PDE2A: variants seen among roughly 807,000 people sequenced by gnomAD.
The protein encoded by PDE2A is cGMP-dependent 3',5'-cyclic phosphodiesterase.
Under a neutral mutation model 133.6 loss-of-function variants are expected in PDE2A, and 53 were observed. The ratio of observed to expected loss-of-function variants is 0.40; its 90% confidence interval spans 0.32 to 0.50. The LOEUF is 0.50. PDE2A is among the 20% of genes least tolerant of loss of function. The probability of loss-of-function intolerance (pLI) is 0.73; values close to 1 mark genes in which losing one functional copy is unlikely to be tolerated. For missense variants in PDE2A, 796 were observed against 1,232.4 expected, an observed-to-expected ratio of 0.65 and a Z score of 5.30; for synonymous variants, 491 against 490.2, an observed-to-expected ratio of 1.00 and a Z score of -0.02.
In PDE2A at chr11:72,674,236, G is replaced by A. The variant is rs1483937657; in HGVS notation, c.-29C>T. On this transcript the variant is annotated 5_prime_UTR_variant, in exon 1 of 31. Coordinates refer to ENST00000334456, the MANE Select transcript of PDE2A (RefSeq NM_002599.5). ...TCCTCATCGTCCGCCTCCCCAGCCAGACTAAGGTGGCACCTCGCCCTGTCC... is the reference window on the plus strand; with the variant it reads ...TCCTCATCGTCCGCCTCCCCAGCCAAACTAAGGTGGCACCTCGCCCTGTCC... 1.9e-6 allele frequency: 3 copies of A among 1,596,798 alleles called. No individual in the cohort carries two copies. The highest frequency in any genetic ancestry group is 2.3e-5 in the East Asian group (1 of 44,306).
chr11:72,645,553 G>T (rs746181040), intron 1 of PDE2A, among the ~76,000 whole-genome samples: 8 of 152,140 alleles, frequency 5.3e-5, no homozygotes, highest in Non-Finnish European at 1.2e-4. Context: ...CCTGTTCTGG[G>T]TTCTCACCCT....
chr11:72,640,697 G>A (rs545731724), intron 2 of PDE2A, among the ~76,000 whole-genome samples: 1 of 152,264 alleles, frequency 6.6e-6, no homozygotes, highest in African/African-American at 2.4e-5. Flanking sequence ...GAAACCATCA[G>A]GCCCCTGCAG....
At chr11:72,649,799 T>C (rs998592908) in intron 1 of PDE2A, among the ~76,000 whole-genome samples, 1 of 152,136 alleles carries the variant, frequency 6.6e-6, no homozygotes, top group Non-Finnish European at 1.5e-5. Flanking sequence ...TGTCAACCCC[T>C]GATCATCCTG....
chr11:72,613,886 G>C (rs888477883), intron 2 of PDE2A, among the ~76,000 whole-genome samples: 1 of 152,142 alleles, frequency 6.6e-6, no homozygotes, highest in African/African-American at 2.4e-5. Context: ...CAGAGGACAG[G>C]GCCCTTCAAG....
chr11:72,642,234 C>A lies in PDE2A; in HGVS notation c.144+20G>T. ...CCGGACACCCCGTTCTCCTGGTGCC[C>A]AGCGCGGGGGCCCCCCTACCTGCAG... On this transcript the variant is annotated intron_variant, in intron 2 of 30. Coordinates refer to ENST00000334456, the MANE Select transcript of PDE2A (RefSeq NM_002599.5). The A allele has an allele frequency of 6.7e-7, 1 of 1,488,600 alleles. No homozygotes were observed. The allele number at this position is 1,488,600 out of a possible 1,614,324, so 92.2% of individuals were successfully genotyped here. A position where few individuals can be genotyped will look rare whatever the true frequency, so the allele number is the denominator to read the frequency against.
At chr11:72,671,732 G>A (rs1246251046) in intron 1 of PDE2A, among the ~76,000 whole-genome samples, 1 of 152,156 alleles carries the variant, frequency 6.6e-6, no homozygotes, top group Non-Finnish European at 1.5e-5. Context: ...TGAGGGTCAG[G>A]TCTGATGAAG....
At chr11:72,614,144 G>T (rs932264710) in intron 2 of PDE2A, among the ~76,000 whole-genome samples, 1 of 152,182 alleles carries the variant, frequency 6.6e-6, no homozygotes, top group Non-Finnish European at 1.5e-5. Flanking sequence ...AGAACAAGGC[G>T]GTTCCTCCTC....
In PDE2A at chr11:72,607,907, G is replaced by A. The variant is rs76289804; in HGVS notation, c.234+755C>T. Among the ~76,000 whole-genome samples the A allele has an allele frequency of 7.4e-3, 1,119 of 152,076 alleles. 20 individuals are homozygous for A. The highest frequency in any genetic ancestry group is 0.025 in the African/African-American group (1,046 of 41,456). ...AGACTCCCTTCTCCAGGCTTCAAACGTCCCCTGCTTCCCTCTTTCTGGTGC... is the reference window on the plus strand; with the variant it reads ...AGACTCCCTTCTCCAGGCTTCAAACATCCCCTGCTTCCCTCTTTCTGGTGC... On this transcript the variant is annotated intron_variant, in intron 3 of 30. Transcript: ENST00000334456.
In PDE2A at chr11:72,608,746, G is replaced by A; in HGVS notation, c.150C>T (p.Ala50=). The change falls in exon 3 of 31, where the codon GCC becomes GCT. Residue 50 remains alanine (A), a synonymous_variant. Transcript: ENST00000334456. ...PQPCADSLQD[A]LLSLGSVIDI... is the part of the protein sequence containing the mutation. ...CGATGACAGAGCCCAGACTCAGCAAGGCGTCCTGGAAGAGAGGAGAGGGCA... is the reference window on the plus strand; with the variant it reads ...CGATGACAGAGCCCAGACTCAGCAAAGCGTCCTGGAAGAGAGGAGAGGGCA... The A allele has an allele frequency of 6.4e-7, 1 of 1,553,086 alleles. No individual in the cohort carries two copies. Among genetic ancestry groups the A allele is most frequent in the Non-Finnish European group, 8.8e-7 (1 of 1,142,268 alleles).
In PDE2A at chr11:72,590,388, C is replaced by T. The variant is rs758250416; in HGVS notation, c.703+39G>A. On this transcript the variant is annotated intron_variant, in intron 8 of 30. Coordinates refer to ENST00000334456, the MANE Select transcript of PDE2A (RefSeq NM_002599.5). The surrounding 1 kb of genome is among the most constrained non-coding windows in gnomAD (Gnocchi z 4.8). The stretch of plus-strand genomic sequence containing the variant: ...GCCCACCTCCCCTCCAAGTTCTGCC[C>T]GGCCCCGCCCTCGTGACCTGTCCAG... The T allele has an allele frequency of 1.3e-6, 2 of 1,577,328 alleles. No individual in the cohort carries two copies. The highest frequency in any genetic ancestry group is 1.7e-6 in the Non-Finnish European group (2 of 1,162,392).
intron 2 of PDE2A, among the ~76,000 whole-genome samples, chr11:72,627,463 G>A (rs1256996492): frequency 6.6e-6 from 1 of 152,218 alleles, no homozygotes; most frequent in Non-Finnish European, 1.5e-5. Flanking sequence ...GAGAGTAGGT[G>A]GAGAAAGAAA....
intron 1 of PDE2A, among the ~76,000 whole-genome samples, chr11:72,673,815 C>T (rs1004016457): frequency 1.6e-4 from 25 of 152,124 alleles, no homozygotes; most frequent in Non-Finnish European, 1.0e-4. Flanking sequence ...AGACCTCCCC[C>T]TCCCCACATA....
chr11:72,671,508 C>T (rs1010467342), intron 1 of PDE2A, among the ~76,000 whole-genome samples: 65 of 152,200 alleles, frequency 4.3e-4, no homozygotes, highest in Non-Finnish European at 7.2e-4. Context: ...CCCCACCCCC[C>T]ACCATTTGGC....
chr11:72,653,110 T>TGCAGG (rs1854791733), intron 1 of PDE2A, among the ~76,000 whole-genome samples: 1 of 152,170 alleles, frequency 6.6e-6, no homozygotes, highest in Admixed American at 6.5e-5. Flanking sequence ...CAAGGCACGG[T>TGCAGG]GCAGGGCGGA....
At position 72,584,555 on chromosome 11, in the gene PDE2A, G is replaced by T. The variant is rs753631786; in HGVS notation, c.1533C>A (p.Asn511Lys). 12 of 1,609,112 alleles carry T rather than the reference G, an allele frequency of 7.5e-6. No homozygotes were observed. Among genetic ancestry groups the T allele is most frequent in the Non-Finnish European group, 1.0e-5 (12 of 1,178,656 alleles). The change falls in exon 18 of 31, where the codon AAC becomes AAA. Residue 511 changes from asparagine to lysine, a missense_variant. Asn to Lys is a moderately conservative substitution (Grantham distance 94). Coordinates refer to ENST00000334456, the MANE Select transcript of PDE2A (RefSeq NM_002599.5). Reference sequence around the variant, plus strand: ...CGCCCGGGCCGCCACGCGCACCCTGGTTCTCGTTCTTGATGGGGAAGCAGA... The same window carrying T: ...CGCCCGGGCCGCCACGCGCACCCTGTTTCTCGTTCTTGATGGGGAAGCAGA... ...NILCFPIKNE[N>K]QEVIGVAELV...
rs997537286 is a variant in PDE2A, at chr11:72,576,805, T to C, written c.*579A>G. ...TCTCTGCAGAGCACTGAGCTGCCCCTCTGGCAGCTTCTTCCTGGGGCCCCT... is the reference window on the plus strand; with the variant it reads ...TCTCTGCAGAGCACTGAGCTGCCCCCCTGGCAGCTTCTTCCTGGGGCCCCT... On this transcript the variant is annotated 3_prime_UTR_variant, in exon 31 of 31. Transcript: ENST00000334456. The C allele has an allele frequency of 1.2e-5, 2 of 169,498 alleles. No individual in the cohort carries two copies. The highest frequency in any genetic ancestry group is 4.8e-5 in the African/African-American group (2 of 41,504). The allele number at this position is 169,498 out of a possible 1,614,324, so 10.5% of individuals were successfully genotyped here. A position where few individuals can be genotyped will look rare whatever the true frequency, so the allele number is the denominator to read the frequency against.
chr11:72,652,515 A>G (rs375399041), intron 1 of PDE2A: 1 of 455,722 alleles, frequency 2.2e-6, no homozygotes, highest in Non-Finnish European at 4.4e-6. Flanking sequence ...CCCTTTGCTT[A>G]CACCATTCCA....
intron 6 of PDE2A, among the ~76,000 whole-genome samples, chr11:72,594,547 T>C (rs1856385910): frequency 6.6e-6 from 1 of 152,138 alleles, no homozygotes; most frequent in East Asian, 1.9e-4. Flanking sequence ...TCAAGAGTTC[T>C]TCCCTGCCCA....
In PDE2A at chr11:72,661,707, C is replaced by T. The variant is rs113713281; in HGVS notation, c.71+12430G>A. 4.4e-3 allele frequency among the ~76,000 whole-genome samples: 676 copies of T among 152,328 alleles called. 8 individuals carry two copies. Among genetic ancestry groups the T allele is most frequent in the African/African-American group, 0.014 (597 of 41,580 alleles). On this transcript the variant is annotated intron_variant, in intron 1 of 30. Coordinates refer to ENST00000334456, the MANE Select transcript of PDE2A (RefSeq NM_002599.5). ...TGTGCGGCAGCCCAGAGGCGAGAGA[C>T]GCTGCACAGGTGGGGAACCACAGGC... is the stretch of plus-strand genomic sequence containing the variant.
Sources: allele counts gnomAD v4.1 joint callset (sites outside exome capture counted in the v4.1 genomes callset), GRCh38; gene constraint gnomAD v4.1.1; non-coding constraint Gnocchi (gnomAD v3.1); transcripts MANE v1.5; gene names NCBI Gene and HGNC (gene_info 2026-07-23, HGNC 2026-07-21).